The following EPB41L3 variants were observed in gnomAD, a reference collection of about 807,000 sequenced individuals.
EPB41L3 encodes the protein erythrocyte membrane protein band 4.1 like 3, also known as band 4.1-like protein 3.
Under a neutral mutation model 127.1 loss-of-function variants are expected in EPB41L3, and 57 were observed. The observed-to-expected ratio is 0.45, with a 90% CI of 0.36 to 0.56. The LOEUF (loss-of-function observed/expected upper bound fraction) is 0.56. Among genes scored for constraint, EPB41L3 ranks in the 20% least tolerant of loss-of-function variants. EPB41L3 has a pLI of 0.00. For missense variants in EPB41L3, 1,273 were observed against 1,372.2 expected, an observed-to-expected ratio of 0.93 and a Z score of 1.14; for synonymous variants, 572 against 549.5, an observed-to-expected ratio of 1.04 and a Z score of -0.57.
At chr18:5,610,417 A>T in intron 3 of EPB41L3, 1 of 446,310 alleles carries the variant, frequency 2.2e-6, no homozygotes, top group African/African-American at 2.1e-5. Flanking sequence ...TGAGACATCC[A>T]AAGTGATCTC....
At chr18:5,439,188 G>C (rs560055849) in intron 5 of EPB41L3, among the ~76,000 whole-genome samples, 2 of 151,976 alleles carry the variant, frequency 1.3e-5, no homozygotes, top group South Asian at 4.2e-4. Context: ...CAGTCCCCCA[G>C]GCTTCCACCC....
At chr18:5,457,977 A>G (rs1352925711) in intron 3 of EPB41L3, among the ~76,000 whole-genome samples, 1 of 152,106 alleles carries the variant, frequency 6.6e-6, no homozygotes, top group African/African-American at 2.4e-5. Context: ...CCTACCTGTA[A>G]GCTATATCCA....
In EPB41L3 at chr18:5,517,414, A is replaced by AAAT. The variant is rs2092792669; in HGVS notation, c.-12+26498_-12+26499insATT. On this transcript the variant is annotated intron_variant, in intron 1 of 22. Coordinates refer to ENST00000341928, the MANE Select transcript of EPB41L3 (RefSeq NM_012307.5). ...ATATGTATACAACCCCTCCCCTTAA[A>AAAT]AAATAAATAAAAAGGACATTTATTA... Among the ~76,000 whole-genome samples, 2 of 152,002 alleles carry AAAT rather than the reference A, an allele frequency of 1.3e-5. 1 individual carries two copies. Among genetic ancestry groups the AAAT allele is most frequent in the South Asian group, 4.2e-4 (2 of 4,810 alleles).
In EPB41L3 at chr18:5,448,023, C is replaced by T. The variant is rs145519040; in HGVS notation, c.382-2779G>A. 3.9e-5 allele frequency among the ~76,000 whole-genome samples: 6 copies of T among 152,204 alleles called. 1 individual carries two copies. The East Asian group carries it at 1.2e-3, about 29-fold the overall frequency. On this transcript the variant is annotated intron_variant, in intron 3 of 22. Coordinates refer to ENST00000341928, the MANE Select transcript of EPB41L3 (RefSeq NM_012307.5). ...ATGGAAGCAATGAAATTCTTACCTG[C>T]TAAATATCAGCATGGCCACCAGCCA...
At chr18:5,556,322 C>G (rs2094035092) in intron 3 of EPB41L3, among the ~76,000 whole-genome samples, 1 of 152,214 alleles carries the variant, frequency 6.6e-6, no homozygotes, top group African/African-American at 2.4e-5. Flanking sequence ...AATGGACACT[C>G]AAATATTTAT....
chr18:5,515,952 C>A (rs138633764), intron 1 of EPB41L3, among the ~76,000 whole-genome samples: 1 of 152,196 alleles, frequency 6.6e-6, no homozygotes, highest in African/African-American at 2.4e-5. Context: ...CTCACTCAAC[C>A]TCAGGAAGTC....
rs1568547223 is a variant in EPB41L3, at chr18:5,543,079, GC to G, written c.-12+833del. Among the ~76,000 whole-genome samples, 2 of 151,712 alleles carry G rather than the reference GC, an allele frequency of 1.3e-5. No homozygotes were observed. The highest frequency in any genetic ancestry group is 2.9e-5 in the Non-Finnish European group (2 of 67,892). The stretch of plus-strand genomic sequence containing the variant: ...CGCCAGGTGAGTCGCGCCGCCCCGA[GC>G]CCCCGGGCCACGGCAGGCCGACCCA... On this transcript the variant is annotated intron_variant, in intron 1 of 22. Coordinates refer to ENST00000341928, the MANE Select transcript of EPB41L3 (RefSeq NM_012307.5). The surrounding 1 kb of genome is among the most constrained non-coding windows in gnomAD (Gnocchi z 5.2).
chr18:5,512,704 G>C (rs1057251558), intron 1 of EPB41L3, among the ~76,000 whole-genome samples: 1 of 152,110 alleles, frequency 6.6e-6, no homozygotes, highest in African/African-American at 2.4e-5. Flanking sequence ...TAATATCCTA[G>C]AAATGGAGAG....
chr18:5,426,851 T>C (rs570263784), intron 9 of EPB41L3, among the ~76,000 whole-genome samples: 1 of 152,240 alleles, frequency 6.6e-6, no homozygotes, highest in Non-Finnish European at 1.5e-5. Context: ...TGACTATCTA[T>C]TGGCTATAAG....
At chr18:5,628,727 G>A (rs1270089350) in intron 1 of EPB41L3, among the ~76,000 whole-genome samples, 1 of 152,092 alleles carries the variant, frequency 6.6e-6, no homozygotes. Context: ...GGCCGAACGC[G>A]CCGCGTGGTT....
intron 3 of EPB41L3, among the ~76,000 whole-genome samples, chr18:5,456,611 T>C (rs1568257427): frequency 1.3e-5 from 2 of 152,228 alleles, no homozygotes; most frequent in Non-Finnish European, 2.9e-5. Context: ...AATCATTAAA[T>C]ATTTTGATTC....
At chr18:5,423,238 G>A in intron 11 of EPB41L3, 140 bp downstream of exon 11, 1 of 807,772 alleles carries the variant, frequency 1.2e-6, no homozygotes. Context: ...ACTTAAAAAT[G>A]TGCCATTCAG....
intron 16 of EPB41L3, chr18:5,398,877 T>A: frequency 2.5e-6 from 1 of 399,288 alleles, no homozygotes; most frequent in Non-Finnish European, 4.4e-6. Context: ...CTTGAGGTCA[T>A]CTTCTTCAGG....
Position 5,543,214 on chromosome 18 carries a change from C to T in EPB41L3, c.-12+699G>A, listed in dbSNP as rs912110436. 2 of 151,312 alleles carry T rather than the reference C, an allele frequency of 1.3e-5. No individual in the cohort carries two copies. Among genetic ancestry groups the T allele is most frequent in the Non-Finnish European group, 1.5e-5 (1 of 67,828 alleles). 9.4% of individuals were successfully genotyped at this position (151,312 alleles called of 1,614,324 possible). On this transcript the variant is annotated intron_variant, in intron 1 of 22. Transcript: ENST00000341928. The surrounding 1 kb of genome is among the most constrained non-coding windows in gnomAD (Gnocchi z 5.2). ...GCTTGGACGCTCCCTCCTCCTCCCC[C>T]ACCGGCCGGGGGCCGCTGCCCCAGT... is the stretch of plus-strand genomic sequence containing the variant.
At chr18:5,624,766 T>C (rs1013862761) in intron 1 of EPB41L3, among the ~76,000 whole-genome samples, 9 of 152,080 alleles carry the variant, frequency 5.9e-5, no homozygotes, top group African/African-American at 1.9e-4. Flanking sequence ...CAAAGGTGAA[T>C]AGGATGAAGT....
Position 5,495,455 on chromosome 18 carries a change from T to C in EPB41L3, c.-11-6261A>G, listed in dbSNP as rs112134049. On this transcript the variant is annotated intron_variant, in intron 1 of 22. Transcript: ENST00000341928. ...AGTAAGGCCACAGGCCCCAGTCCCC[T>C]GCTTCAAGGAATGCACATTCAGACA... 5.9e-3 allele frequency among the ~76,000 whole-genome samples: 887 copies of C among 150,346 alleles called. 12 individuals carry two copies. The highest frequency in any genetic ancestry group is 0.021 in the African/African-American group (843 of 40,890).
chr18:5,457,900 C>T (rs1373272893), intron 3 of EPB41L3, among the ~76,000 whole-genome samples: 4 of 152,148 alleles, frequency 2.6e-5, no homozygotes, highest in East Asian at 3.9e-4. Context: ...ATAGCTCCTG[C>T]GTTGCCACTG....
At chr18:5,625,365 C>T (rs541357867) in intron 1 of EPB41L3, among the ~76,000 whole-genome samples, 9 of 151,868 alleles carry the variant, frequency 5.9e-5, no homozygotes, top group Non-Finnish European at 1.0e-4. Flanking sequence ...CACCACACCA[C>T]GGGGACCCTG....
At chr18:5,407,354 T>C in intron 15 of EPB41L3, 2 of 407,618 alleles carry the variant, frequency 4.9e-6, no homozygotes, top group Non-Finnish European at 8.7e-6. Flanking sequence ...ACACAGTTCA[T>C]GCATCACAAT....
Sources: gnomAD v4.1 joint callset for allele counts (sites outside exome capture counted in the v4.1 genomes callset) on GRCh38, gnomAD v4.1.1 for gene constraint, Gnocchi (gnomAD v3.1) non-coding constraint, MANE v1.5 for transcripts, NCBI Gene and HGNC (gene_info 2026-07-23, HGNC 2026-07-21) for gene names.